MX1: variants seen among roughly 807,000 people sequenced by gnomAD.
MX1 encodes the protein interferon-induced GTP-binding protein Mx1.
MX1 carries 66 observed loss-of-function variants against 66.4 expected under a neutral mutation model. That is an observed-to-expected ratio of 0.99 (90% CI 0.82 to 1.22). The LOEUF (loss-of-function observed/expected upper bound fraction) is 1.22, where lower values mean the gene tolerates loss of function less well. Ranked by LOEUF, MX1 falls within the 50% of genes most tolerant of loss-of-function variation. MX1 has a pLI of 0.00. For synonymous variants in MX1, 311 were observed against 318.1 expected (o/e 0.98, Z 0.24); for missense variants, 787 against 834.3 (o/e 0.94, Z 0.70).
upstream of MX1, among the ~76,000 whole-genome samples, chr21:41,422,410 G>A (rs1339977817): frequency 2.0e-5 from 3 of 152,204 alleles, no homozygotes; most frequent in Non-Finnish European, 4.4e-5. Flanking sequence ...AGCCCTCAGG[G>A]TTGCTCTGTG....
At position 41,441,611 on chromosome 21, in the gene MX1, C is replaced by A; in HGVS notation, c.731-105C>A. On this transcript the variant is annotated intron_variant, in intron 9 of 16. Transcript: ENST00000398598. This position sits in a 1 kb window ranked among gnomAD's most constrained non-coding sequence, Gnocchi z 4.0. ...GCAGGGGCTATGGCCTGTCCTCAAGCAAGGATGGGAGGAAACCCTGGGAGG... is the reference window on the plus strand; with the variant it reads ...GCAGGGGCTATGGCCTGTCCTCAAGAAAGGATGGGAGGAAACCCTGGGAGG... 4 of 1,211,520 alleles carry A rather than the reference C, an allele frequency of 3.3e-6. No individual in the cohort carries two copies. Among genetic ancestry groups the A allele is most frequent in the Non-Finnish European group, 3.6e-6 (3 of 823,112 alleles). The allele number at this position is 1,211,520 out of a possible 1,614,324, so 75.0% of individuals were successfully genotyped here. A position where few individuals can be genotyped will look rare whatever the true frequency, so the allele number is the denominator to read the frequency against.
At chr21:41,438,575 T>G (rs1440631907) in intron 7 of MX1, among the ~76,000 whole-genome samples, 1 of 152,218 alleles carries the variant, frequency 6.6e-6, no homozygotes, top group Non-Finnish European at 1.5e-5. Flanking sequence ...CGGTCTCTCC[T>G]GACGTGGCAC....
chr21:41,438,501 T>C (rs1202292114), intron 7 of MX1, among the ~76,000 whole-genome samples: 1 of 152,180 alleles, frequency 6.6e-6, no homozygotes, highest in Admixed American at 6.5e-5. Flanking sequence ...AAGCTGGACT[T>C]ATCAATGTGG....
chr21:41,446,220 A>C (rs1210653429), intron 13 of MX1, 79 bp downstream of exon 13: 6 of 1,280,568 alleles, frequency 4.7e-6, no homozygotes, highest in Non-Finnish European at 5.5e-6. Flanking sequence ...GTAGAAACTT[A>C]TTGCTCATTG....
chr21:41,451,059 G>T (rs750204667), intron 14 of MX1, 108 bp from the exon 15 acceptor site: 1 of 729,226 alleles, frequency 1.4e-6, no homozygotes, highest in East Asian at 2.6e-5. Context: ...AGGGAGCGGG[G>T]AGAGGGGAAA....
upstream of MX1, among the ~76,000 whole-genome samples, chr21:41,425,805 T>C (rs1044229719): frequency 2.6e-5 from 4 of 152,110 alleles, no homozygotes; most frequent in Admixed American, 2.0e-4. Flanking sequence ...AGAGGGGCTC[T>C]GCAGCCATTG....
chr21:41,426,700 G>T (rs973921613), intron 1 of MX1: 1 of 152,286 alleles, frequency 6.6e-6, no homozygotes, highest in Non-Finnish European at 1.5e-5. Flanking sequence ...CTATTTCCTG[G>T]GAACGCGCGA....
In MX1 at chr21:41,458,837, G is replaced by T; in HGVS notation, c.*79G>T. 1 of 1,532,458 alleles carries T rather than the reference G, an allele frequency of 6.5e-7. No homozygotes were observed. 94.9% of individuals were successfully genotyped at this position (1,532,458 alleles called of 1,614,324 possible). A position where few individuals can be genotyped will look rare whatever the true frequency, so the allele number is the denominator to read the frequency against. On this transcript the variant is annotated 3_prime_UTR_variant, in exon 17 of 17. Transcript: ENST00000398598. ...CGGGTAGCCACTGGACTGACGACTT[G>T]AGTGCTCAGTAGTCAGACTGGATAG...
chr21:41,450,303 G>C (rs903794480), intron 14 of MX1, among the ~76,000 whole-genome samples: 1 of 152,112 alleles, frequency 6.6e-6, no homozygotes, highest in Non-Finnish European at 1.5e-5. Flanking sequence ...TTCTTGAAAT[G>C]CTTTGCTTTC....
At chr21:41,449,410 C>T (rs1397597476) in intron 14 of MX1, 115 bp downstream of exon 14, 14 of 1,008,002 alleles carry the variant, frequency 1.4e-5, no homozygotes, top group Non-Finnish European at 1.9e-5. Context: ...CACCAACGAG[C>T]AAACCTCTCA....
At chr21:41,429,189 T>C (rs2090144903) in intron 3 of MX1, 1 of 152,216 alleles carries the variant, frequency 6.6e-6, no homozygotes, top group Non-Finnish European at 1.5e-5. Context: ...GGATGCCAAG[T>C]TCCATGGAGG....
Position 41,458,683 on chromosome 21 carries a change from C to A in MX1, c.1914C>A (p.Asp638Glu). Residue 638 changes from aspartate to glutamate, a missense_variant, in exon 17 of 17, where the codon GAC becomes GAA. Physicochemically the swap from Asp to Glu is conservative, Grantham distance 45 (BLOSUM62 2). Coordinates refer to ENST00000398598, the MANE Select transcript of MX1 (RefSeq NM_002462.5). ...WLLKERSDTS[D>E]KRKFLKERLA... ...TGAAGGAGCGGAGCGACACCAGCGA[C>A]AAGCGGAAGTTCCTGAAGGAGCGGC... 2 of 1,614,250 alleles carry A rather than the reference C, an allele frequency of 1.2e-6. No individual in the cohort carries two copies. The highest frequency in any genetic ancestry group is 1.7e-6 in the Non-Finnish European group (2 of 1,180,054).
Position 41,441,244 on chromosome 21 carries a change from C to T in MX1, c.730+219C>T, listed in dbSNP as rs1346931466. 4.8e-6 allele frequency: 3 copies of T among 618,832 alleles called. No homozygotes were observed. Among genetic ancestry groups the T allele is most frequent in the Non-Finnish European group, 8.0e-6 (3 of 373,978 alleles). 38.3% of individuals were successfully genotyped at this position (618,832 alleles called of 1,614,324 possible). On this transcript the variant is annotated intron_variant, in intron 9 of 16. Transcript: ENST00000398598. The surrounding 1 kb of genome is among the most constrained non-coding windows in gnomAD (Gnocchi z 4.0). ...CAGTGGGGACCTGCCTCCACTAAGA[C>T]CTGCTAAGGGAGCAGGTTTGGTGCC...
intron 14 of MX1, chr21:41,450,865 TAA>T (rs113430371): frequency 0.016 from 2,497 of 155,606 alleles, 66 homozygotes; most frequent in African/African-American, 0.056. Context: ...TGACTTATAT[TAA>T]GAGTTGTATT....
At chr21:41,443,521 C>T in intron 10 of MX1, 2 of 472,810 alleles carry the variant, frequency 4.2e-6, no homozygotes, top group Non-Finnish European at 7.7e-6. Flanking sequence ...TTGTGATGAC[C>T]AAGTCTATAG....
chr21:41,432,026 A>G (rs1183361546), intron 4 of MX1, 24 bp from the exon 5 acceptor site: 1 of 1,587,284 alleles, frequency 6.3e-7, no homozygotes, highest in East Asian at 2.2e-5. Context: ...TTATCTGTTC[A>G]ATAGGCATCT....
chr21:41,421,207 A>G (rs1421725140), upstream of MX1: 1 of 152,260 alleles, frequency 6.6e-6, no homozygotes, highest in African/African-American at 2.4e-5. Context: ...TAAACGTCTC[A>G]ATGCTTTACA....
chr21:41,438,272 T>G (rs2146187296), intron 7 of MX1, among the ~76,000 whole-genome samples: 1 of 152,382 alleles, frequency 6.6e-6, no homozygotes, highest in South Asian at 2.1e-4. Context: ...GTTGGCTGCT[T>G]GCAGCAGAAA....
chr21:41,441,036 G>T lies in MX1; in HGVS notation c.730+11G>T, dbSNP rs760682022. On this transcript the variant is annotated intron_variant, in intron 9 of 16. Transcript: ENST00000398598. This position sits in a 1 kb window ranked among gnomAD's most constrained non-coding sequence, Gnocchi z 4.0. ...GAGACAGGACCATCGGTGAGAGTGG[G>T]GGAGCCCCACTGTGCTCAGTGAGAA... is the stretch of plus-strand genomic sequence containing the variant. 9 of 1,612,380 alleles carry T rather than the reference G, an allele frequency of 5.6e-6. No individual in the cohort carries two copies. The highest frequency in any genetic ancestry group is 2.5e-6 in the Non-Finnish European group (3 of 1,179,484).
Sources: gnomAD v4.1 joint callset for allele counts (sites outside exome capture counted in the v4.1 genomes callset) on GRCh38, gnomAD v4.1.1 for gene constraint, Gnocchi (gnomAD v3.1) non-coding constraint, MANE v1.5 for transcripts, NCBI Gene and HGNC (gene_info 2026-07-23, HGNC 2026-07-21) for gene names.